The following ATP2A2 variants were observed in gnomAD, a reference collection of about 807,000 sequenced individuals.
ATP2A2 encodes the protein sarcoplasmic/endoplasmic reticulum calcium ATPase 2.
A neutral mutation model predicts 109.3 loss-of-function variants in ATP2A2; 14 were observed. That is an observed-to-expected ratio of 0.13 (90% confidence interval 0.08 to 0.20). The LOEUF (loss-of-function observed/expected upper bound fraction) is 0.20. Among genes scored for constraint, ATP2A2 ranks in the 10% least tolerant of loss-of-function variants. The pLI is 1.00. For synonymous variants in ATP2A2, 506 were observed against 490.9 expected (o/e 1.03, Z -0.41); for missense variants, 657 against 1,321.6 (o/e 0.50, Z 7.80).
Position 110,281,681 on chromosome 12 carries a change from C to A in ATP2A2, c.-109C>A. On this transcript the variant is annotated 5_prime_UTR_variant, in exon 1 of 20. Transcript: ENST00000539276. ...CGGCCGCAAGAGGAGGAGGGGAGAG[C>A]CCGTCCGCGCCTGGGCTCCCGGGGT... 1 of 659,328 alleles carries A rather than the reference C, an allele frequency of 1.5e-6. No individual in the cohort carries two copies. Among genetic ancestry groups the A allele is most frequent in the Non-Finnish European group, 2.3e-6 (1 of 439,292 alleles). 40.8% of individuals were successfully genotyped at this position (659,328 alleles called of 1,614,324 possible). A position where few individuals can be genotyped will look rare whatever the true frequency, so the allele number is the denominator to read the frequency against.
chr12:110,282,206 G>A (rs1872187893), intron 1 of ATP2A2, among the ~76,000 whole-genome samples: 1 of 152,230 alleles, frequency 6.6e-6, no homozygotes, highest in South Asian at 2.1e-4. Flanking sequence ...GCTAGGTTGA[G>A]CCCGGCAAGA....
chr12:110,350,029 A>G lies in ATP2A2; in HGVS notation c.*3559A>G. ...CAGCTGCAACGATTGTGTCTGCCTC[A>G]TGGGGTTTTCCTCCAGAGCCTTTAT... On this transcript the variant is annotated 3_prime_UTR_variant, in exon 20 of 20. Transcript: ENST00000539276. The G allele has an allele frequency of 1.4e-6, 2 of 1,392,870 alleles. No individual in the cohort carries two copies. Among genetic ancestry groups the G allele is most frequent in the East Asian group, 2.8e-5 (1 of 36,346 alleles). The allele number at this position is 1,392,870 out of a possible 1,614,324, so 86.3% of individuals were successfully genotyped here. A position where few individuals can be genotyped will look rare whatever the true frequency, so the allele number is the denominator to read the frequency against.
intron 5 of ATP2A2, among the ~76,000 whole-genome samples, chr12:110,319,658 A>G (rs1467346740): frequency 1.3e-5 from 2 of 149,082 alleles, no homozygotes. Flanking sequence ...TATATAATAA[A>G]TCTATACTAC....
chr12:110,295,862 G>A (rs890947799), intron 4 of ATP2A2: 1 of 152,262 alleles, frequency 6.6e-6, no homozygotes, highest in African/African-American at 2.4e-5. Context: ...TACAACTGGA[G>A]GGATAGTTCT....
chr12:110,300,391 G>A (rs1874489025), intron 5 of ATP2A2, among the ~76,000 whole-genome samples: 1 of 124,906 alleles, frequency 8.0e-6, no homozygotes, highest in Non-Finnish European at 1.6e-5. Context: ...ATCTTGAACT[G>A]TCGCCCAGGC....
intron 18 of ATP2A2, 37 bp downstream of exon 18, chr12:110,345,419 G>A (rs1465626714): frequency 1.9e-6 from 3 of 1,613,848 alleles, no homozygotes; most frequent in East Asian, 4.5e-5. Context: ...GGCGAGCATG[G>A]TGACTGCCAG....
At chr12:110,298,515 C>T (rs539626681) in intron 5 of ATP2A2, among the ~76,000 whole-genome samples, 6 of 152,164 alleles carry the variant, frequency 3.9e-5, no homozygotes, top group Admixed American at 2.6e-4. Flanking sequence ...GTCAAGAGAT[C>T]GAAACTATCC....
chr12:110,350,762 G>A lies in ATP2A2; in HGVS notation c.*4292G>A, dbSNP rs1880321999. ...CTTTTTAATTGGCCCTGTACAGTTTGCTTATTTATAAATTCATTAAAAACA... is the reference window on the plus strand; with the variant it reads ...CTTTTTAATTGGCCCTGTACAGTTTACTTATTTATAAATTCATTAAAAACA... On this transcript the variant is annotated 3_prime_UTR_variant, in exon 20 of 20. Transcript: ENST00000539276. 5.7e-6 allele frequency: 1 copy of A among 175,762 alleles called. No individual in the cohort carries two copies. Among genetic ancestry groups the A allele is most frequent in the African/African-American group, 2.4e-5 (1 of 41,930 alleles). The allele number at this position is 175,762 out of a possible 1,614,324, so 10.9% of individuals were successfully genotyped here. A position where few individuals can be genotyped will look rare whatever the true frequency, so the allele number is the denominator to read the frequency against.
Position 110,334,043 on chromosome 12 carries a change from C to T in ATP2A2, c.1319C>T (p.Ala440Val), listed in dbSNP as rs764522070. Residue 440 changes from alanine to valine, a missense_variant, in exon 11 of 20, where the codon GCT (alanine) becomes GTT (valine). By Grantham distance (64) the Ala-to-Val change is moderately conservative. This residue lies in a region of ATP2A2 where 180 missense variants were observed against 329.1 expected (regional missense o/e 0.55). Coordinates refer to ENST00000539276, the MANE Select transcript of ATP2A2 (RefSeq NM_170665.4). ...AKGVYEKVGEATETALTCLVE... is the reference protein window; with the variant it reads ...AKGVYEKVGEVTETALTCLVE... ...GGTGTGTATGAAAAAGTTGGAGAAG[C>T]TACAGAGACTGCTCTCACTTGCCTA... The T allele has an allele frequency of 6.2e-7, 1 of 1,614,148 alleles. No homozygotes were observed. The highest frequency in any genetic ancestry group is 8.5e-7 in the Non-Finnish European group (1 of 1,180,040).
rs1879495594 is a variant in ATP2A2 at position 110,342,954 on chromosome 12, G to T, written c.2319-278G>T. On this transcript the variant is annotated intron_variant, in intron 15 of 19. Coordinates refer to ENST00000539276, the MANE Select transcript of ATP2A2 (RefSeq NM_170665.4). The surrounding 1 kb of genome is among the most constrained non-coding windows in gnomAD (Gnocchi z 4.6). ...AGGTTTCACCATGTTGCCCAGGCTGGTCTCTTAACTGCTGAGCTCAGCCAG... is the reference window on the plus strand; with the variant it reads ...AGGTTTCACCATGTTGCCCAGGCTGTTCTCTTAACTGCTGAGCTCAGCCAG... Among the ~76,000 whole-genome samples the T allele has an allele frequency of 6.6e-6, 1 of 151,996 alleles. No homozygotes were observed. The highest frequency in any genetic ancestry group is 2.4e-5 in the African/African-American group (1 of 41,382).
At chr12:110,281,121 G>A (rs1478890892), upstream of ATP2A2, 1 of 149,860 alleles carries the variant, frequency 6.7e-6, no homozygotes, top group Non-Finnish European at 1.5e-5. Context: ...CAGGCGCGCG[G>A]GAGGAGGGAG....
At chr12:110,344,351 TG>T (rs1346445875) in intron 16 of ATP2A2, among the ~76,000 whole-genome samples, 4 of 152,280 alleles carry the variant, frequency 2.6e-5, no homozygotes, top group Admixed American at 2.6e-4. Context: ...AAGCTAATAC[TG>T]GGGGGAATCC....
chr12:110,312,007 T>TC, intron 5 of ATP2A2, among the ~76,000 whole-genome samples: 1 of 152,156 alleles, frequency 6.6e-6, no homozygotes, highest in Non-Finnish European at 1.5e-5. Context: ...AGACCCCGTC[T>TC]CTAAAAAAAT....
chr12:110,302,301 A>G (rs1035905545), intron 5 of ATP2A2, among the ~76,000 whole-genome samples: 2 of 152,176 alleles, frequency 1.3e-5, no homozygotes, highest in African/African-American at 4.8e-5. Flanking sequence ...GCCCCTGGCA[A>G]CCATTCCCTT....
At chr12:110,306,062 C>T (rs756981213) in intron 5 of ATP2A2, among the ~76,000 whole-genome samples, 4 of 152,120 alleles carry the variant, frequency 2.6e-5, no homozygotes, top group Admixed American at 1.3e-4. Flanking sequence ...GACGGAGTCT[C>T]GCTCTTTCAC....
intron 11 of ATP2A2, among the ~76,000 whole-genome samples, chr12:110,338,681 C>T (rs1038769464): frequency 6.6e-6 from 1 of 152,216 alleles, no homozygotes; most frequent in African/African-American, 2.4e-5. Flanking sequence ...CTGCTGACCT[C>T]AGGTGATCCA....
chr12:110,320,666 T>G (rs1439417256), intron 5 of ATP2A2, among the ~76,000 whole-genome samples: 2 of 152,196 alleles, frequency 1.3e-5, no homozygotes, highest in Non-Finnish European at 2.9e-5. Flanking sequence ...AATGAAAGGT[T>G]CTCGTTGATT....
chr12:110,319,711 A>G (rs576611065), intron 5 of ATP2A2, among the ~76,000 whole-genome samples: 3 of 151,094 alleles, frequency 2.0e-5, no homozygotes, highest in African/African-American at 4.8e-5. Flanking sequence ...GGTAAGACCT[A>G]TAGTCCTGTA....
chr12:110,300,722 C>T (rs910330688), intron 5 of ATP2A2, among the ~76,000 whole-genome samples: 7 of 149,082 alleles, frequency 4.7e-5, no homozygotes, highest in African/African-American at 1.5e-4. Context: ...TGGGCTCAAG[C>T]GATCCTCCTC....
Sources: gnomAD v4.1 joint callset for allele counts (sites outside exome capture counted in the v4.1 genomes callset) on GRCh38, gnomAD v4.1.1 for gene constraint, gnomAD v4.1.1 regional missense constraint, Gnocchi (gnomAD v3.1) non-coding constraint, MANE v1.5 for transcripts, NCBI Gene and HGNC (gene_info 2026-07-23, HGNC 2026-07-21) for gene names.